KLRD1: variants seen among roughly 807,000 people sequenced by gnomAD.
KLRD1 encodes the protein killer cell lectin like receptor D1.
In KLRD1, 21 loss-of-function variants were observed where a neutral mutation model predicts 22.6. The observed-to-expected ratio is 0.93, with a 90% CI of 0.66 to 1.34. KLRD1 has a LOEUF of 1.34. Ranked by LOEUF, KLRD1 falls within the 40% of genes most tolerant of loss-of-function variation. The pLI is 0.00. For synonymous variants in KLRD1, 59 were observed against 71.1 expected (o/e 0.83, Z 0.85); for missense variants, 183 against 208.6 (o/e 0.88, Z 0.76).
At chr12:10,291,245 G>C (rs1949767557) in intron 1 of KLRD1, among the ~76,000 whole-genome samples, 1 of 152,188 alleles carries the variant, frequency 6.6e-6, no homozygotes, top group Non-Finnish European at 1.5e-5. Context: ...GCTGCTGACT[G>C]ATCAGGGTGG....
At chr12:10,288,046 C>T (rs3867485) in intron 1 of KLRD1, among the ~76,000 whole-genome samples, 114,127 of 145,418 alleles carry the variant, frequency 0.78, 48,439 homozygotes, top group Non-Finnish European at 0.94. Context: ...CCAGTCTGGG[C>T]GACAGAGCGA....
At chr12:10,246,341 A>C (rs1473037115) in intron 1 of KLRD1, among the ~76,000 whole-genome samples, 1 of 151,108 alleles carries the variant, frequency 6.6e-6, no homozygotes, top group Non-Finnish European at 1.5e-5. Flanking sequence ...AATTATGAAT[A>C]TATACTACAT....
intron 3 of KLRD1, among the ~76,000 whole-genome samples, chr12:10,310,020 A>C (rs1374553192): frequency 6.6e-6 from 1 of 152,196 alleles, no homozygotes; most frequent in African/African-American, 2.4e-5. Context: ...TTTGCTTATA[A>C]CCTATACTTT....
At chr12:10,299,075 T>C (rs1169984225) in intron 1 of KLRD1, among the ~76,000 whole-genome samples, 1 of 152,200 alleles carries the variant, frequency 6.6e-6, no homozygotes, top group Non-Finnish European at 1.5e-5. Context: ...TATAGAAAGG[T>C]GCTTTATTAC....
In KLRD1 at chr12:10,320,239, C is replaced by G. The variant is rs1226762850; in HGVS notation, c.*5446C>G. ...CAATAATCAATACATATTTTGGTAC[C>G]AAGAATGAAGTTACTATTATAAAGA... On this transcript the variant is annotated 3_prime_UTR_variant, in exon 6 of 6. Coordinates refer to ENST00000336164, the MANE Select transcript of KLRD1 (RefSeq NM_002262.5). 7.2e-6 allele frequency: 1 copy of G among 138,886 alleles called. No homozygotes were observed. Among genetic ancestry groups the G allele is most frequent in the Non-Finnish European group, 1.5e-5 (1 of 64,652 alleles). 8.6% of individuals were successfully genotyped at this position (138,886 alleles called of 1,614,324 possible). A position where few individuals can be genotyped will look rare whatever the true frequency, so the allele number is the denominator to read the frequency against.
intron 1 of KLRD1, among the ~76,000 whole-genome samples, chr12:10,277,849 C>A (rs1171025171): frequency 6.6e-6 from 1 of 152,186 alleles, no homozygotes; most frequent in African/African-American, 2.4e-5. Context: ...CAATCAACAG[C>A]TTAATTCCAA....
At chr12:10,296,255 G>A (rs1949820336) in intron 1 of KLRD1, among the ~76,000 whole-genome samples, 1 of 152,126 alleles carries the variant, frequency 6.6e-6, no homozygotes, top group Non-Finnish European at 1.5e-5. Flanking sequence ...AGTGGCTCAT[G>A]CCTGTAATCC....
Position 10,320,307 on chromosome 12 carries a change from A to C in KLRD1, c.*5514A>C, listed in dbSNP as rs971110695. The stretch of plus-strand genomic sequence containing the variant: ...AATTTTGGAGTGCTTGAAAACAGGC[A>C]GTGGATGGAGGCCAAAAGGACAGGA... On this transcript the variant is annotated 3_prime_UTR_variant, in exon 6 of 6. Transcript: ENST00000336164. 2 of 151,868 alleles carry C rather than the reference A, an allele frequency of 1.3e-5. No individual in the cohort carries two copies. Among genetic ancestry groups the C allele is most frequent in the African/African-American group, 4.8e-5 (2 of 41,402 alleles). 9.4% of individuals were successfully genotyped at this position (151,868 alleles called of 1,614,324 possible).
chr12:10,274,621 G>A (rs900970590), intron 1 of KLRD1, among the ~76,000 whole-genome samples: 1 of 151,896 alleles, frequency 6.6e-6, no homozygotes, highest in African/African-American at 2.4e-5. Flanking sequence ...TTGTCTCTAT[G>A]GGCTGTGTTT....
At position 10,239,471 on chromosome 12, in the gene KLRD1, T is replaced by TTA. The variant is rs113011157; in HGVS notation, c.-101+13239_-101+13240insAT. 1.3e-3 allele frequency among the ~76,000 whole-genome samples: 172 copies of TTA among 132,718 alleles called. 9 individuals are homozygous for TTA. The highest frequency in any genetic ancestry group is 7.6e-3 in the Middle Eastern group (2 of 262). The allele number at this position is 132,718 out of a possible 152,430, so 87.1% of individuals were successfully genotyped here. On this transcript the variant is annotated intron_variant, in intron 1 of 5. Coordinates refer to the KLRD1 transcript ENST00000544747. ...CTTCCTTCCTTCCTTCCTTCCTTCC[T>TTA]TCCTTCCTTCCTTCTTCCTTCCTTC... is the stretch of plus-strand genomic sequence containing the variant.
intron 1 of KLRD1, among the ~76,000 whole-genome samples, chr12:10,253,888 T>C (rs926976029): frequency 2.6e-5 from 4 of 152,166 alleles, no homozygotes; most frequent in African/African-American, 9.7e-5. Flanking sequence ...TTCACATGCA[T>C]GTGTCTTCGT....
At chr12:10,299,449 G>GT (rs1456433739), upstream of KLRD1, among the ~76,000 whole-genome samples, 7 of 152,116 alleles carry the variant, frequency 4.6e-5, no homozygotes, top group African/African-American at 1.7e-4. Context: ...TCACACAAAT[G>GT]TTTTGGTTTC....
At chr12:10,245,149 C>T (rs114411786) in intron 1 of KLRD1, among the ~76,000 whole-genome samples, 7,784 of 151,868 alleles carry the variant, frequency 0.051, 674 homozygotes, top group African/African-American at 0.18. Flanking sequence ...CATGAGGTCA[C>T]GAGTTCAAGA....
rs932372229 is a variant in KLRD1, at chr12:10,324,473, A to G, written c.*9680A>G. Reference sequence around the variant, plus strand: ...ACTCCATGGTTAGCTCCCACTTATAAGGGAGAATATGTGGTTTTTGGTTTT... The same window carrying G: ...ACTCCATGGTTAGCTCCCACTTATAGGGGAGAATATGTGGTTTTTGGTTTT... On this transcript the variant is annotated 3_prime_UTR_variant, in exon 6 of 6. Transcript: ENST00000336164. 1 of 151,760 alleles carries G rather than the reference A, an allele frequency of 6.6e-6. No individual in the cohort carries two copies. The highest frequency in any genetic ancestry group is 2.4e-5 in the African/African-American group (1 of 41,304). 9.4% of individuals were successfully genotyped at this position (151,760 alleles called of 1,614,324 possible). A position where few individuals can be genotyped will look rare whatever the true frequency, so the allele number is the denominator to read the frequency against.
intron 1 of KLRD1, among the ~76,000 whole-genome samples, chr12:10,239,282 C>A (rs1369489137): frequency 1.3e-5 from 2 of 152,140 alleles, no homozygotes; most frequent in African/African-American, 4.8e-5. Flanking sequence ...TCTCTAGGAG[C>A]ACGGGTTCTA....
intron 4 of KLRD1, among the ~76,000 whole-genome samples, chr12:10,311,987 A>G (rs186498850): frequency 7.2e-4 from 109 of 151,512 alleles, no homozygotes; most frequent in Admixed American, 3.8e-3. Context: ...AGTTTTTGTC[A>G]TCTTTCTGGG....
intron 1 of KLRD1, among the ~76,000 whole-genome samples, chr12:10,290,656 C>A (rs1949759634): frequency 6.6e-6 from 1 of 152,166 alleles, no homozygotes; most frequent in South Asian, 2.1e-4. Context: ...CCCTAATAAA[C>A]AAACTTATTA....
intron 1 of KLRD1, chr12:10,308,867 G>A (rs888643498): frequency 6.5e-6 from 1 of 154,442 alleles, no homozygotes; most frequent in Non-Finnish European, 1.4e-5. Flanking sequence ...AGACTACGTT[G>A]AATGAAAGAT....
Position 10,308,192 on chromosome 12 carries a change from A to G in KLRD1, c.7+108A>G, listed in dbSNP as rs972893721. Reference sequence around the variant, plus strand: ...GAGAAAAGGACATGATTAACAGTGGATGTTTTTAGGATTTTCATGCATTAG... The same window carrying G: ...GAGAAAAGGACATGATTAACAGTGGGTGTTTTTAGGATTTTCATGCATTAG... On this transcript the variant is annotated intron_variant, in intron 1 of 5. Coordinates refer to ENST00000336164, the MANE Select transcript of KLRD1 (RefSeq NM_002262.5). 2.0e-5 allele frequency: 19 copies of G among 932,818 alleles called. No homozygotes were observed. The African/African-American group carries it at 3.1e-4, about 15-fold the overall frequency. The allele number at this position is 932,818 out of a possible 1,614,324, so 57.8% of individuals were successfully genotyped here.
Sources: allele counts gnomAD v4.1 joint callset (sites outside exome capture counted in the v4.1 genomes callset), GRCh38; gene constraint gnomAD v4.1.1; transcripts MANE v1.5; gene names NCBI Gene and HGNC (gene_info 2026-07-23, HGNC 2026-07-21).